The following RIMBP2 variants were observed in gnomAD, a reference collection of about 807,000 sequenced individuals.
RIMBP2 encodes RIMS binding protein 2.
A neutral mutation model predicts 118.6 loss-of-function variants in RIMBP2; 48 were observed. That is an observed-to-expected ratio of 0.40 (90% CI 0.32 to 0.51). RIMBP2 has a LOEUF of 0.51. Ranked by LOEUF, RIMBP2 falls within the 20% of genes least tolerant of loss-of-function variation. The probability of loss-of-function intolerance (pLI) is 0.41; values close to 1 mark genes in which losing one functional copy is unlikely to be tolerated. For synonymous variants in RIMBP2, 762 were observed against 742.9 expected (o/e 1.03, Z -0.42); for missense variants, 1,551 against 1,768.3 (o/e 0.88, Z 2.20).
At chr12:130,583,567 C>A (rs1246025178) in intron 2 of RIMBP2, among the ~76,000 whole-genome samples, 1 of 146,510 alleles carries the variant, frequency 6.8e-6, no homozygotes, top group Non-Finnish European at 1.5e-5. Context: ...CCATCACCAC[C>A]ATCACCTCAT....
intron 1 of RIMBP2, among the ~76,000 whole-genome samples, chr12:130,686,373 T>C (rs770676009): frequency 3.5e-4 from 53 of 152,140 alleles, no homozygotes; most frequent in Non-Finnish European, 5.7e-4. Context: ...GTCAGATTGC[T>C]CAAACCCTCC....
chr12:130,610,745 A>G (rs899361737), intron 2 of RIMBP2, among the ~76,000 whole-genome samples: 12 of 151,570 alleles, frequency 7.9e-5, no homozygotes, highest in Admixed American at 6.6e-4. Context: ...TATTTTTAGT[A>G]GAGACGGGGT....
intron 22 of RIMBP2, chr12:130,397,778 G>A (rs747771264): frequency 1.2e-5 from 4 of 345,652 alleles, no homozygotes; most frequent in African/African-American, 2.1e-5. Flanking sequence ...GAGGGAGTGC[G>A]GGGTGGCCGT....
At chr12:130,691,327 G>A (rs1458471727) in intron 1 of RIMBP2, among the ~76,000 whole-genome samples, 2 of 152,182 alleles carry the variant, frequency 1.3e-5, no homozygotes, top group African/African-American at 2.4e-5. Context: ...CCAGGAACAG[G>A]CAGGTGGCTG....
intron 4 of RIMBP2, among the ~76,000 whole-genome samples, chr12:130,485,426 C>A (rs757530600): frequency 2.0e-5 from 3 of 152,250 alleles, no homozygotes; most frequent in Non-Finnish European, 4.4e-5. Context: ...CACTGCCCCA[C>A]TTCTGGGTTG....
chr12:130,603,125 G>A (rs929254337), intron 2 of RIMBP2, among the ~76,000 whole-genome samples: 1 of 152,190 alleles, frequency 6.6e-6, no homozygotes, highest in Non-Finnish European at 1.5e-5. Context: ...AGTGGCAAAT[G>A]AGCACATGAA....
Position 130,525,803 on chromosome 12 carries a change from T to C in RIMBP2, c.-216-7886A>G, listed in dbSNP as rs938475653. The stretch of plus-strand genomic sequence containing the variant: ...ACATAAGCTCTTTGCTTTCCTCCTC[T>C]TCTTTGTGAAATCTCATCCAGTCCT... On this transcript the variant is annotated intron_variant, in intron 2 of 22. Transcript: ENST00000690449. This position sits in a 1 kb window ranked among gnomAD's most constrained non-coding sequence, Gnocchi z 4.4. Among the ~76,000 whole-genome samples the C allele has an allele frequency of 7.2e-5, 11 of 152,192 alleles. No individual in the cohort carries two copies. The highest frequency in any genetic ancestry group is 2.4e-4 in the African/African-American group (10 of 41,444).
chr12:130,398,402 A>C (rs2074231812), intron 22 of RIMBP2: 1 of 152,664 alleles, frequency 6.6e-6, no homozygotes, highest in Non-Finnish European at 1.5e-5. Context: ...TGGATTTAAA[A>C]TCAAGGTCTA....
rs370254266 is a variant in RIMBP2, at chr12:130,451,218, C to A, written c.481G>T (p.Ala161Ser). ...KPTFLSRSGS[A>S]RCRSESDMEN... is the part of the protein sequence containing the mutation. ...ACGTCTGACTCAGATCTGCATCTTG[C>A]GCTACCGGATCTCGACAGGAAGGTG... Residue 161 changes from alanine (A) to serine (S), a missense_variant, in exon 8 of 23, where the codon GCA (alanine) becomes TCA (serine). Transcript: ENST00000690449. The A allele has an allele frequency of 1.2e-6, 2 of 1,613,974 alleles. No individual in the cohort carries two copies. The highest frequency in any genetic ancestry group is 1.7e-6 in the Non-Finnish European group (2 of 1,179,940).
rs755788695 is a variant in RIMBP2 at position 130,436,831 on chromosome 12, C to T, written c.2106+11G>A. Reference sequence around the variant, plus strand: ...ACTGAGGAGCCACCGAGGCGGGAGCCCCAGCCTTACCCTGCTGCTCTCGGC... The same window carrying T: ...ACTGAGGAGCCACCGAGGCGGGAGCTCCAGCCTTACCCTGCTGCTCTCGGC... On this transcript the variant is annotated intron_variant, in intron 13 of 22. Coordinates refer to ENST00000690449, the MANE Select transcript of RIMBP2 (RefSeq NM_001393629.1). 6.1e-5 allele frequency: 85 copies of T among 1,390,492 alleles called. No individual in the cohort carries two copies. The highest frequency in any genetic ancestry group is 7.1e-5 in the Non-Finnish European group (76 of 1,071,774). 86.1% of individuals were successfully genotyped at this position (1,390,492 alleles called of 1,614,324 possible).
intron 2 of RIMBP2, among the ~76,000 whole-genome samples, chr12:130,518,699 T>C (rs1358644636): frequency 1.3e-5 from 2 of 152,160 alleles, no homozygotes; most frequent in Non-Finnish European, 2.9e-5. Context: ...AATAATAAAA[T>C]CTAATTCAAG....
chr12:130,464,703 C>G (rs1245446201), intron 6 of RIMBP2, among the ~76,000 whole-genome samples: 1 of 152,252 alleles, frequency 6.6e-6, no homozygotes, highest in East Asian at 1.9e-4. Context: ...TGCGGTCACA[C>G]CCCCAGTGGG....
intron 1 of RIMBP2, among the ~76,000 whole-genome samples, chr12:130,647,069 A>G (rs2063017364): frequency 6.6e-6 from 1 of 152,218 alleles, no homozygotes. Context: ...AAATAAAGGA[A>G]AATCTTGGGT....
intron 3 of RIMBP2, among the ~76,000 whole-genome samples, chr12:130,509,200 C>T (rs2050661469): frequency 6.6e-6 from 1 of 152,182 alleles, no homozygotes; most frequent in African/African-American, 2.4e-5. Flanking sequence ...CTTACCACAT[C>T]TAGGCCACTT....
chr12:130,660,367 A>T (rs2063606141), intron 1 of RIMBP2: 1 of 37,542 alleles, frequency 2.7e-5, no homozygotes, highest in Admixed American at 2.6e-4. Context: ...CTGGAATCTC[A>T]TGGGAATCTC....
Position 130,498,043 on chromosome 12 carries a change from C to T in RIMBP2, c.-4+8605G>A, listed in dbSNP as rs995764369. ...GTGACTTTATACAGTCACCTGTGAG[C>T]CCCAGAGAAGCACCTCTGCAGAGAA... On this transcript the variant is annotated intron_variant, in intron 4 of 22. Transcript: ENST00000690449. Among the ~76,000 whole-genome samples, 3 of 152,234 alleles carry T rather than the reference C, an allele frequency of 2.0e-5. No homozygotes were observed. In the East Asian group the frequency reaches 5.8e-4, roughly 29 times the overall value.
intron 2 of RIMBP2, among the ~76,000 whole-genome samples, chr12:130,522,392 G>T (rs896930913): frequency 1.1e-4 from 16 of 152,230 alleles, no homozygotes; most frequent in African/African-American, 3.9e-4. Context: ...CCAGGCCCCA[G>T]TCTTAGAGGG....
At chr12:130,603,382 C>T (rs1382402478) in intron 2 of RIMBP2, among the ~76,000 whole-genome samples, 1 of 152,086 alleles carries the variant, frequency 6.6e-6, no homozygotes, top group East Asian at 1.9e-4. Context: ...CACATGTGCT[C>T]GGAAGGCAGG....
chr12:130,669,931 T>C (rs938822487), intron 1 of RIMBP2, among the ~76,000 whole-genome samples: 1 of 152,174 alleles, frequency 6.6e-6, no homozygotes, highest in Non-Finnish European at 1.5e-5. Context: ...TAGGCCTTTT[T>C]CCACAGAACC....
Sources: allele counts gnomAD v4.1 joint callset (sites outside exome capture counted in the v4.1 genomes callset), GRCh38; gene constraint gnomAD v4.1.1; non-coding constraint Gnocchi (gnomAD v3.1); transcripts MANE v1.5; gene names NCBI Gene and HGNC (gene_info 2026-07-23, HGNC 2026-07-21).